PITPNM3: variants seen among roughly 807,000 people sequenced by gnomAD.
PITPNM3 encodes PITPNM family member 3, also known as membrane-associated phosphatidylinositol transfer protein 3.
PITPNM3 carries 26 observed loss-of-function variants against 102.0 expected under a neutral mutation model. The observed-to-expected ratio is 0.25, with a 90% CI of 0.19 to 0.35. The LOEUF (loss-of-function observed/expected upper bound fraction) is 0.35. Among genes scored for constraint, PITPNM3 ranks in the 10% least tolerant of loss-of-function variants. PITPNM3 has a pLI of 1.00. For missense variants in PITPNM3, 1,083 were observed against 1,346.1 expected, an observed-to-expected ratio of 0.80 and a Z score of 3.06; for synonymous variants, 578 against 558.6, an observed-to-expected ratio of 1.03 and a Z score of -0.49.
At position 6,455,446 on chromosome 17, in the gene PITPNM3, GGGGTTGGCGGCGGGC is replaced by G; in HGVS notation, c.2802_2816del (p.Pro935_Pro939del). Reference sequence around the variant, plus strand: ...GCTGGCTCTGGGCCCGCTCGGGCTTGGGGTTGGCGGCGGGCGGGTCGGGCTGCTGCACTGACATGG... The same window carrying G: ...GCTGGCTCTGGGCCCGCTCGGGCTTGGGGTCGGGCTGCTGCACTGACATGG... On this transcript the variant is annotated inframe_deletion, in exon 20 of 20. Transcript: ENST00000262483. The G allele has an allele frequency of 6.2e-7, 1 of 1,604,498 alleles. No homozygotes were observed. Among genetic ancestry groups the G allele is most frequent in the Non-Finnish European group, 8.5e-7 (1 of 1,179,194 alleles).
chr17:6,531,927 A>G (rs1909168113), intron 2 of PITPNM3, among the ~76,000 whole-genome samples: 1 of 151,982 alleles, frequency 6.6e-6, no homozygotes, highest in Non-Finnish European at 1.5e-5. Flanking sequence ...GCATGGTGAA[A>G]CCCCATCTCT....
chr17:6,470,157 A>G lies in PITPNM3; in HGVS notation c.1773+103T>C. 1 of 1,364,672 alleles carries G rather than the reference A, an allele frequency of 7.3e-7. No homozygotes were observed. Among genetic ancestry groups the G allele is most frequent in the Non-Finnish European group, 1.0e-6 (1 of 990,496 alleles). The allele number at this position is 1,364,672 out of a possible 1,614,324, so 84.5% of individuals were successfully genotyped here. A position where few individuals can be genotyped will look rare whatever the true frequency, so the allele number is the denominator to read the frequency against. On this transcript the variant is annotated intron_variant, in intron 13 of 19. Transcript: ENST00000262483. This position sits in a 1 kb window ranked among gnomAD's most constrained non-coding sequence, Gnocchi z 4.8. ...CCTCATGCTCTTAGGATCAAGGCCA[A>G]AAGCTGAACAGTGTCTGCAAGAATA... is the stretch of plus-strand genomic sequence containing the variant.
At chr17:6,494,912 C>T (rs915959779) in intron 4 of PITPNM3, among the ~76,000 whole-genome samples, 1 of 152,028 alleles carries the variant, frequency 6.6e-6, no homozygotes, top group Non-Finnish European at 1.5e-5. Context: ...TAAATTGGAC[C>T]ACAGTGAAAT....
In PITPNM3 at chr17:6,464,703, C is replaced by T. The variant is rs780380205; in HGVS notation, c.1959G>A (p.Gly653=). The stretch of plus-strand genomic sequence containing the variant: ...TGTCGAGGGGCCCGTACATGAACCG[C>T]CCCACCAGGACCTGGGGGCCATCTT... ...AAEDGPQVLV[G]RFMYGPLDMV... is the part of the protein sequence containing the mutation. The change falls in exon 15 of 20, where the codon GGG becomes GGA. Residue 653 remains glycine, a synonymous_variant. Transcript: ENST00000262483. The T allele has an allele frequency of 3.7e-6, 6 of 1,614,088 alleles. No homozygotes were observed. The highest frequency in any genetic ancestry group is 1.6e-4 in the Middle Eastern group (1 of 6,084).
intron 1 of PITPNM3, among the ~76,000 whole-genome samples, chr17:6,555,212 C>A (rs1433179450): frequency 6.6e-6 from 1 of 152,178 alleles, no homozygotes; most frequent in Non-Finnish European, 1.5e-5. Flanking sequence ...CACAACCGGC[C>A]CCACCCCGAC....
intron 4 of PITPNM3, among the ~76,000 whole-genome samples, chr17:6,499,850 C>G (rs1156423289): frequency 6.6e-6 from 1 of 152,176 alleles, no homozygotes; most frequent in African/African-American, 2.4e-5. Context: ...CCTGCCTCAG[C>G]CTCCCAAGTA....
chr17:6,455,153 G>C lies in PITPNM3; in HGVS notation c.*185C>G. 2.7e-6 allele frequency: 2 copies of C among 727,510 alleles called. No individual in the cohort carries two copies. The highest frequency in any genetic ancestry group is 4.2e-6 in the Non-Finnish European group (2 of 476,508). The allele number at this position is 727,510 out of a possible 1,614,324, so 45.1% of individuals were successfully genotyped here. On this transcript the variant is annotated 3_prime_UTR_variant, in exon 20 of 20. Transcript: ENST00000262483. ...CACCGAGATCCCCGGACCTCACCCCGTCGCAGCTCAGGGAGCCCCCCGGGC... is the reference window on the plus strand; with the variant it reads ...CACCGAGATCCCCGGACCTCACCCCCTCGCAGCTCAGGGAGCCCCCCGGGC...
rs944001531 is a variant in PITPNM3, at chr17:6,461,665, C to T, written c.2307-109G>A. 5 of 1,285,558 alleles carry T rather than the reference C, an allele frequency of 3.9e-6. No homozygotes were observed. In the East Asian group the frequency reaches 1.2e-4, roughly 30 times the overall value. The allele number at this position is 1,285,558 out of a possible 1,614,324, so 79.6% of individuals were successfully genotyped here. A position where few individuals can be genotyped will look rare whatever the true frequency, so the allele number is the denominator to read the frequency against. On this transcript the variant is annotated intron_variant, in intron 17 of 19. Coordinates refer to ENST00000262483, the MANE Select transcript of PITPNM3 (RefSeq NM_031220.4). ...CTCCTGAGACGTCAGAGGGACGAGT[C>T]TGAGGCGTGCTAGGGAGAACAAGGG...
intron 1 of PITPNM3, among the ~76,000 whole-genome samples, chr17:6,539,990 G>C (rs117244812): frequency 6.6e-6 from 1 of 152,192 alleles, no homozygotes; most frequent in African/African-American, 2.4e-5. Flanking sequence ...CCCAGTGAGA[G>C]GCTCCTCTAT....
chr17:6,476,840 C>T (rs1031989622), intron 9 of PITPNM3, among the ~76,000 whole-genome samples, 189 bp downstream of exon 9: 2 of 152,210 alleles, frequency 1.3e-5, no homozygotes, highest in African/African-American at 4.8e-5. Context: ...GTTCCAGAGT[C>T]TCAGTACAGG....
chr17:6,482,731 C>G (rs1476466572), intron 6 of PITPNM3, among the ~76,000 whole-genome samples: 1 of 152,166 alleles, frequency 6.6e-6, no homozygotes, highest in Non-Finnish European at 1.5e-5. Flanking sequence ...CAGCTGGTGT[C>G]CACAGCAGAA....
chr17:6,528,815 AC>A (rs1451868544), intron 2 of PITPNM3, among the ~76,000 whole-genome samples: 1 of 152,098 alleles, frequency 6.6e-6, no homozygotes, highest in African/African-American at 2.4e-5. Flanking sequence ...ACACACACAC[AC>A]ACACACATAC....
intron 3 of PITPNM3, among the ~76,000 whole-genome samples, chr17:6,512,770 C>T (rs1220620730): frequency 6.6e-6 from 1 of 152,184 alleles, no homozygotes; most frequent in African/African-American, 2.4e-5. Flanking sequence ...GCAGTGACTG[C>T]TTCCTTCCTG....
rs980985765 is a variant in PITPNM3, at chr17:6,523,226, C to A, written c.226+2130G>T. 1.2e-4 allele frequency among the ~76,000 whole-genome samples: 19 copies of A among 152,194 alleles called. No homozygotes were observed. The East Asian group carries it at 3.7e-3, about 29-fold the overall frequency. On this transcript the variant is annotated intron_variant, in intron 3 of 19. Transcript: ENST00000262483. ...TGCAACATTGGTCATGCTTCTCCCC[C>A]TTCCATCATTATAAGAATGACCTGC...
Position 6,477,164 on chromosome 17 carries a change from C to T in PITPNM3, c.950G>A (p.Arg317His), listed in dbSNP as rs757430953. 13 of 1,614,068 alleles carry T rather than the reference C, an allele frequency of 8.1e-6. No individual in the cohort carries two copies. Among genetic ancestry groups the T allele is most frequent in the Admixed American group, 5.0e-5 (3 of 60,010 alleles). Residue 317 changes from arginine (R) to histidine (H), a missense_variant, in exon 9 of 20, where the codon CGT (arginine) becomes CAT (histidine). By Grantham distance (29) the Arg-to-His change is conservative (BLOSUM62 0). Coordinates refer to ENST00000262483, the MANE Select transcript of PITPNM3 (RefSeq NM_031220.4). ...GATGTCAATGTTGCTTTTGCTGAGA[C>T]GCTTGCTGCTGGCCAGGCTGCAATC... ...EEDCSLASSK[R>H]LSKSNIDISS...
intron 5 of PITPNM3, among the ~76,000 whole-genome samples, 178 bp from the exon 6 acceptor site, chr17:6,483,930 C>G (rs972557636): frequency 3.3e-5 from 5 of 152,176 alleles, no homozygotes; most frequent in African/African-American, 1.2e-4. Context: ...ATCTGAGGAG[C>G]AGTCTCAGCT....
intron 1 of PITPNM3, among the ~76,000 whole-genome samples, chr17:6,548,058 G>A (rs959908228): frequency 3.3e-5 from 5 of 152,182 alleles, no homozygotes; most frequent in African/African-American, 1.2e-4. Context: ...CCACCTCAAT[G>A]AAACGACCAG....
rs570661157 is a variant in PITPNM3, at chr17:6,483,091, C to G, written c.587+426G>C. Among the ~76,000 whole-genome samples, 13 of 152,112 alleles carry G rather than the reference C, an allele frequency of 8.5e-5. 2 individuals are homozygous for G. The South Asian group carries it at 2.1e-3, about 24-fold the overall frequency. On this transcript the variant is annotated intron_variant, in intron 6 of 19. Transcript: ENST00000262483. Reference sequence around the variant, plus strand: ...TCCCAAGAAGCTGGGACTGCAGGCGCCCGCCACCTCACCTGGCTAATTTTT... The same window carrying G: ...TCCCAAGAAGCTGGGACTGCAGGCGGCCGCCACCTCACCTGGCTAATTTTT...
intron 3 of PITPNM3, among the ~76,000 whole-genome samples, chr17:6,522,485 T>C (rs1314604006): frequency 6.6e-6 from 1 of 152,176 alleles, no homozygotes; most frequent in Non-Finnish European, 1.5e-5. Flanking sequence ...AAGGAGTCTT[T>C]AGGACATCCA....
Sources: gnomAD v4.1 joint callset for allele counts (sites outside exome capture counted in the v4.1 genomes callset) on GRCh38, gnomAD v4.1.1 for gene constraint, Gnocchi (gnomAD v3.1) non-coding constraint, MANE v1.5 for transcripts, NCBI Gene and HGNC (gene_info 2026-07-23, HGNC 2026-07-21) for gene names.